KCND2: variants seen among roughly 807,000 people sequenced by gnomAD.
KCND2 encodes potassium voltage-gated channel subfamily D member 2, also known as A-type voltage-gated potassium channel KCND2.
Under a neutral mutation model 54.4 loss-of-function variants are expected in KCND2, and 16 were observed. The ratio of observed to expected loss-of-function variants is 0.29; its 90% CI spans 0.20 to 0.45. KCND2 has a LOEUF of 0.45. KCND2 is among the 20% of genes least tolerant of loss of function. The probability of loss-of-function intolerance (pLI) is 1.00; values close to 1 mark genes in which losing one functional copy is unlikely to be tolerated. For synonymous variants in KCND2, 317 were observed against 310.7 expected (o/e 1.02, Z -0.21); for missense variants, 486 against 824.2 (o/e 0.59, Z 5.02).
chr7:120,614,915 T>C (rs1793002467), intron 1 of KCND2, among the ~76,000 whole-genome samples: 3 of 152,172 alleles, frequency 2.0e-5, no homozygotes, highest in Admixed American at 2.0e-4. Context: ...GTATTAGGCT[T>C]TCTGTGTTAT....
intron 1 of KCND2, among the ~76,000 whole-genome samples, chr7:120,435,663 GA>G (rs936633321): frequency 6.6e-6 from 1 of 151,294 alleles, no homozygotes. Context: ...TTAACAGTAA[GA>G]AAAAAAATCA....
chr7:120,386,235 A>G (rs1250239100), intron 1 of KCND2, among the ~76,000 whole-genome samples: 1 of 152,158 alleles, frequency 6.6e-6, no homozygotes, highest in Non-Finnish European at 1.5e-5. Context: ...TTTTGCTATA[A>G]TAAAAATCAT....
At chr7:120,359,265 T>A (rs550386317) in intron 1 of KCND2, among the ~76,000 whole-genome samples, 1 of 152,276 alleles carries the variant, frequency 6.6e-6, no homozygotes, top group East Asian at 1.9e-4. Context: ...GAAGGCACCC[T>A]TCCTCTCTTC....
chr7:120,356,621 G>A (rs771954491), intron 1 of KCND2, among the ~76,000 whole-genome samples: 14 of 152,094 alleles, frequency 9.2e-5, no homozygotes, highest in Admixed American at 6.6e-4. Context: ...ATTTGGGGAA[G>A]CCATAATATT....
chr7:120,282,287 G>T (rs1040889121), intron 1 of KCND2, among the ~76,000 whole-genome samples: 6 of 152,018 alleles, frequency 3.9e-5, no homozygotes. Context: ...TGGAACTCTT[G>T]TTTTTCATCC....
intron 1 of KCND2, among the ~76,000 whole-genome samples, chr7:120,438,010 T>G (rs199723455): frequency 2.0e-5 from 3 of 152,330 alleles, no homozygotes; most frequent in African/African-American, 7.2e-5. Flanking sequence ...TCTGGAAAGT[T>G]TGGCTTTTAT....
chr7:120,663,852 A>G (rs1329019710), intron 1 of KCND2, among the ~76,000 whole-genome samples: 2 of 152,218 alleles, frequency 1.3e-5, no homozygotes, highest in Non-Finnish European at 1.5e-5. Context: ...AGAAACTCCA[A>G]TTAGTTTCCT....
At chr7:120,292,019 CTTAT>C (rs1799442247) in intron 1 of KCND2, among the ~76,000 whole-genome samples, 1 of 151,778 alleles carries the variant, frequency 6.6e-6, no homozygotes. Context: ...TTTTCTGTCT[CTTAT>C]TTCTTTGCTA....
chr7:120,644,728 C>A (rs919069993), intron 1 of KCND2, among the ~76,000 whole-genome samples: 1 of 152,034 alleles, frequency 6.6e-6, no homozygotes, highest in Non-Finnish European at 1.5e-5. Flanking sequence ...TGTCAGAAGC[C>A]GGGTTTTATC....
intron 1 of KCND2, among the ~76,000 whole-genome samples, chr7:120,485,858 T>C (rs1012413365): frequency 6.6e-6 from 1 of 152,204 alleles, no homozygotes; most frequent in Non-Finnish European, 1.5e-5. Context: ...GACCTTGTGG[T>C]GGTGTTTACT....
At chr7:120,597,510 T>A (rs2116467706) in intron 1 of KCND2, among the ~76,000 whole-genome samples, 1 of 152,306 alleles carries the variant, frequency 6.6e-6, no homozygotes, top group East Asian at 1.9e-4. Context: ...ATAAATGCTA[T>A]CAGCTGTGGA....
intron 1 of KCND2, among the ~76,000 whole-genome samples, chr7:120,345,901 A>T (rs1003097507): frequency 2.6e-5 from 4 of 152,222 alleles, no homozygotes; most frequent in Non-Finnish European, 5.9e-5. Flanking sequence ...TTTTATTTTT[A>T]ATTTTTTTGA....
intron 1 of KCND2, chr7:120,463,897 TGATTGATAGATAGATAGATA>T (rs1802324502): frequency 6.0e-6 from 1 of 167,730 alleles, no homozygotes; most frequent in Non-Finnish European, 9.9e-6. Flanking sequence ...GATAGATAGA[TGATTGATAGATAGATAGATA>T]GATAGATAGA....
intron 1 of KCND2, among the ~76,000 whole-genome samples, chr7:120,556,202 T>G (rs1792161257): frequency 6.6e-6 from 1 of 152,198 alleles, no homozygotes; most frequent in South Asian, 2.1e-4. Flanking sequence ...CTTCCGTCTC[T>G]CAATGCGTCC....
intron 1 of KCND2, among the ~76,000 whole-genome samples, chr7:120,668,233 C>A (rs566652168): frequency 9.9e-5 from 15 of 152,130 alleles, no homozygotes; most frequent in African/African-American, 3.6e-4. Flanking sequence ...CATAAAGTTC[C>A]GTAATTATAT....
chr7:120,285,117 T>G (rs1218693996), intron 1 of KCND2, among the ~76,000 whole-genome samples: 3 of 152,170 alleles, frequency 2.0e-5, no homozygotes, highest in Admixed American at 6.5e-5. Context: ...AACTTGCATT[T>G]TATCCAACTC....
intron 1 of KCND2, among the ~76,000 whole-genome samples, chr7:120,677,286 G>C (rs561748553): frequency 5.9e-5 from 9 of 152,108 alleles, no homozygotes; most frequent in Admixed American, 5.9e-4. Context: ...TTACATCGGG[G>C]TTCTTTCAGT....
At chr7:120,634,582 G>C (rs541691780) in intron 1 of KCND2, among the ~76,000 whole-genome samples, 1 of 152,170 alleles carries the variant, frequency 6.6e-6, no homozygotes, top group East Asian at 1.9e-4. Context: ...ATGTGCCCTA[G>C]TTATTGACAT....
chr7:120,681,623 C>T (rs1320090442), intron 1 of KCND2, among the ~76,000 whole-genome samples: 1 of 151,732 alleles, frequency 6.6e-6, no homozygotes, highest in African/African-American at 2.4e-5. Context: ...TAATAAACTT[C>T]CTTCTACTAA....
Sources: allele counts gnomAD v4.1 joint callset (sites outside exome capture counted in the v4.1 genomes callset), GRCh38; gene constraint gnomAD v4.1.1; transcripts MANE v1.5; gene names NCBI Gene and HGNC (gene_info 2026-07-23, HGNC 2026-07-21).